Variants in ANKIB1 observed in about 807,000 individuals in gnomAD.
ANKIB1 encodes the protein ankyrin repeat and IBR domain containing 1, also known as ankyrin repeat and IBR domain-containing protein 1.
In ANKIB1, 43 loss-of-function variants were observed where a neutral mutation model predicts 122.1. That is an observed-to-expected ratio of 0.35 (90% CI 0.28 to 0.45). ANKIB1 has a LOEUF of 0.45. Ranked by LOEUF, ANKIB1 falls within the 20% of genes least tolerant of loss-of-function variation. The pLI is 1.00. For synonymous variants in ANKIB1, 390 were observed against 442.0 expected (o/e 0.88, Z 1.48); for missense variants, 992 against 1,329.5 (o/e 0.75, Z 3.95).
At position 92,307,370 on chromosome 7, in the gene ANKIB1, G is replaced by A. The variant is rs200441644; in HGVS notation, c.200G>A (p.Gly67Asp). 271 of 1,606,318 alleles carry A rather than the reference G, an allele frequency of 1.7e-4. No individual in the cohort carries two copies. Among genetic ancestry groups the A allele is most frequent in the Non-Finnish European group, 2.0e-4 (235 of 1,175,082 alleles). Residue 67 changes from glycine (G) to aspartate (D), a missense_variant, in exon 3 of 20, where the codon GGT (glycine) becomes GAT (aspartate). Gly to Asp is a moderately conservative substitution (Grantham distance 94). Coordinates refer to ENST00000265742, the MANE Select transcript of ANKIB1 (RefSeq NM_019004.2). ...GMNKILGTFL[G>D]RDGNPNKRNV... is the part of the protein sequence containing the mutation. ...TCTTTCCATTTTAGGACTTTTCTTG[G>A]TAGAGATGGAAATCCAAATAAACGG...
chr7:92,279,282 C>T (rs573857959), intron 1 of ANKIB1, among the ~76,000 whole-genome samples: 90 of 152,286 alleles, frequency 5.9e-4, no homozygotes, highest in African/African-American at 2.0e-3. Context: ...TTGGGGACCC[C>T]TGCCCTAAAG....
chr7:92,348,674 G>A (rs941618669), intron 7 of ANKIB1, among the ~76,000 whole-genome samples: 46 of 152,156 alleles, frequency 3.0e-4, no homozygotes, highest in African/African-American at 9.9e-4. Flanking sequence ...GTGAGCCACC[G>A]TGCCAGGCCA....
At chr7:92,376,452 A>ATTTTTTTTT (rs548431066) in intron 11 of ANKIB1, among the ~76,000 whole-genome samples, 2 of 135,856 alleles carry the variant, frequency 1.5e-5, no homozygotes, top group East Asian at 2.1e-4. Context: ...TTTATTTTTT[A>ATTTTTTTTT]TTTTTTTTTT....
chr7:92,277,498 G>C (rs1801928724), intron 1 of ANKIB1, among the ~76,000 whole-genome samples: 1 of 152,180 alleles, frequency 6.6e-6, no homozygotes, highest in Non-Finnish European at 1.5e-5. Context: ...TTACCATTGG[G>C]TCTCCTGCCC....
intron 1 of ANKIB1, among the ~76,000 whole-genome samples, chr7:92,264,574 CT>C (rs113478410): frequency 1.3e-5 from 2 of 148,662 alleles, no homozygotes; most frequent in African/African-American, 4.9e-5. Context: ...ATTTTTTTTT[CT>C]TTTTTTTTGT....
chr7:92,376,041 T>C (rs977668274), intron 11 of ANKIB1, among the ~76,000 whole-genome samples: 1 of 152,194 alleles, frequency 6.6e-6, no homozygotes, highest in Non-Finnish European at 1.5e-5. Flanking sequence ...CTCTCAACAG[T>C]GGGCTTATAA....
intron 1 of ANKIB1, among the ~76,000 whole-genome samples, chr7:92,280,864 T>G (rs1254016155): frequency 2.6e-5 from 4 of 152,244 alleles, no homozygotes; most frequent in African/African-American, 9.6e-5. Context: ...CTATTCATCC[T>G]TTCTTTTCCC....
intron 1 of ANKIB1, among the ~76,000 whole-genome samples, chr7:92,265,375 C>T (rs532048321): frequency 4.0e-5 from 6 of 151,590 alleles, no homozygotes; most frequent in African/African-American, 1.2e-4. Flanking sequence ...GAAGGTAGTG[C>T]GTATGCAGAA....
chr7:92,367,169 A>G (rs1262906346), intron 10 of ANKIB1, among the ~76,000 whole-genome samples: 1 of 152,250 alleles, frequency 6.6e-6, no homozygotes, highest in Non-Finnish European at 1.5e-5. Flanking sequence ...AAAACATGAT[A>G]GGAGACAAAA....
chr7:92,305,589 G>T (rs80225119), intron 2 of ANKIB1, among the ~76,000 whole-genome samples: 1 of 152,238 alleles, frequency 6.6e-6, no homozygotes, highest in African/African-American at 2.4e-5. Flanking sequence ...GAAAAGAGTG[G>T]CAAACTGAAC....
intron 18 of ANKIB1, 106 bp downstream of exon 18, chr7:92,396,582 A>C: frequency 1.6e-6 from 1 of 634,854 alleles, no homozygotes; most frequent in Admixed American, 3.0e-5. Flanking sequence ...TTAGATATAC[A>C]ATAAATATGC....
intron 15 of ANKIB1, 24 bp from the exon 16 acceptor site, chr7:92,391,142 T>A: frequency 6.4e-7 from 1 of 1,563,544 alleles, no homozygotes; most frequent in Non-Finnish European, 8.7e-7. Flanking sequence ...CCTGTGATTT[T>A]TTTTTTTTCT....
intron 5 of ANKIB1, among the ~76,000 whole-genome samples, chr7:92,341,551 A>G (rs1251609660): frequency 6.6e-6 from 1 of 152,188 alleles, no homozygotes; most frequent in Non-Finnish European, 1.5e-5. Flanking sequence ...ATGATACACA[A>G]ATTGTTTCAC....
intron 6 of ANKIB1, among the ~76,000 whole-genome samples, chr7:92,343,750 C>T (rs982453571): frequency 2.6e-5 from 4 of 152,024 alleles, no homozygotes; most frequent in African/African-American, 9.7e-5. Flanking sequence ...AATACAAAAA[C>T]ATTTTTTATA....
chr7:92,271,983 A>G (rs1358906512), intron 1 of ANKIB1, among the ~76,000 whole-genome samples: 1 of 152,180 alleles, frequency 6.6e-6, no homozygotes, highest in Non-Finnish European at 1.5e-5. Context: ...ACATGATTTC[A>G]TGGAGATAGA....
chr7:92,268,611 G>A (rs1164974772), intron 1 of ANKIB1, among the ~76,000 whole-genome samples: 12 of 152,132 alleles, frequency 7.9e-5, no homozygotes, highest in Non-Finnish European at 1.6e-4. Context: ...CCGTAGCTGG[G>A]ATTAGAGGCA....
intron 5 of ANKIB1, among the ~76,000 whole-genome samples, chr7:92,332,391 T>C (rs1803190470): frequency 6.6e-6 from 1 of 152,168 alleles, no homozygotes; most frequent in South Asian, 2.1e-4. Context: ...TACAGGAAAA[T>C]AGTTTTGAGT....
chr7:92,269,632 A>G lies in ANKIB1; in HGVS notation c.-91+23113A>G, dbSNP rs974441575. Reference sequence around the variant, plus strand: ...ACTAGAATTATTCTGACTTTATTCTATGTAAGCCTATGGTAACTTGATTCA... The same window carrying G: ...ACTAGAATTATTCTGACTTTATTCTGTGTAAGCCTATGGTAACTTGATTCA... On this transcript the variant is annotated intron_variant, in intron 1 of 19. Transcript: ENST00000265742. Among the ~76,000 whole-genome samples, 19 of 152,302 alleles carry G rather than the reference A, an allele frequency of 1.2e-4. 1 individual carries two copies. The highest frequency in any genetic ancestry group is 4.1e-4 in the African/African-American group (17 of 41,570).
At chr7:92,345,147 T>C in intron 7 of ANKIB1, 81 bp downstream of exon 7, 3 of 1,011,212 alleles carry the variant, frequency 3.0e-6, no homozygotes, top group Non-Finnish European at 4.5e-6. Context: ...TTTCAGTATT[T>C]AATGATGCAA....
Sources: gnomAD v4.1 joint callset for allele counts (sites outside exome capture counted in the v4.1 genomes callset) on GRCh38, gnomAD v4.1.1 for gene constraint, MANE v1.5 for transcripts, NCBI Gene and HGNC (gene_info 2026-07-23, HGNC 2026-07-21) for gene names.